TAS2R1: variants seen among roughly 807,000 people sequenced by gnomAD.
TAS2R1 encodes the protein taste receptor type 2 member 1.
For missense variants in TAS2R1, 370 were observed against 353.4 expected, an observed-to-expected ratio of 1.05 and a Z score of -0.38; for synonymous variants, 141 against 134.2, an observed-to-expected ratio of 1.05 and a Z score of -0.35.
chr5:9,713,824 C>T (rs1019405129), upstream of TAS2R1: 12 of 152,142 alleles, frequency 7.9e-5, no homozygotes, highest in Admixed American at 7.9e-4. Flanking sequence ...ATGTCTGTTT[C>T]AGCTAAAGAC....
chr5:9,821,549 C>T, the TAS2R1 span, among the ~76,000 whole-genome samples: 3 of 152,194 alleles, frequency 2.0e-5, no homozygotes, highest in Non-Finnish European at 2.9e-5. Context: ...CTAGGACCAA[C>T]TGAAATGAAG....
chr5:9,860,370 C>A, the TAS2R1 span, among the ~76,000 whole-genome samples: 2 of 152,202 alleles, frequency 1.3e-5, no homozygotes, highest in Non-Finnish European at 2.9e-5. Context: ...CTCCATTTAC[C>A]TTCCCTCATC....
chr5:9,891,089 C>A, the TAS2R1 span, among the ~76,000 whole-genome samples: 62,125 of 152,040 alleles, frequency 0.41, 15,270 homozygotes, highest in Middle Eastern at 0.52. Context: ...CATTCTCTCT[C>A]TAGTCTACCT....
At chr5:9,747,869 T>A in the TAS2R1 span, among the ~76,000 whole-genome samples, 2 of 151,172 alleles carry the variant, frequency 1.3e-5, no homozygotes, top group African/African-American at 4.9e-5. Context: ...GTAAAGAGGA[T>A]GAGGTTGAAA....
chr5:9,635,365 C>T (rs1010300854), intron 2 of TAS2R1, among the ~76,000 whole-genome samples: 41 of 151,924 alleles, frequency 2.7e-4, no homozygotes, highest in African/African-American at 8.9e-4. Context: ...TTGTTGGGGA[C>T]TTTTGCATCT....
At chr5:9,639,374 TCTC>T (rs1449947906) in intron 2 of TAS2R1, among the ~76,000 whole-genome samples, 2 of 152,210 alleles carry the variant, frequency 1.3e-5, no homozygotes, top group Non-Finnish European at 2.9e-5. Flanking sequence ...GTTAAATCCT[TCTC>T]CTGTGATCTG....
intron 1 of TAS2R1, among the ~76,000 whole-genome samples, chr5:9,672,296 C>T (rs1004812750): frequency 6.6e-6 from 1 of 152,098 alleles, no homozygotes; most frequent in African/African-American, 2.4e-5. Context: ...CAAATGGGAT[C>T]TAATTAAGAG....
the TAS2R1 span, among the ~76,000 whole-genome samples, chr5:9,742,930 CAG>C: frequency 6.6e-6 from 1 of 152,016 alleles, no homozygotes; most frequent in African/African-American, 2.4e-5. Flanking sequence ...GAGAAACAGT[CAG>C]AGAAACAGAG....
At chr5:9,695,124 C>G (rs908492667) in intron 1 of TAS2R1, among the ~76,000 whole-genome samples, 4 of 151,948 alleles carry the variant, frequency 2.6e-5, no homozygotes, top group Non-Finnish European at 4.4e-5. Flanking sequence ...TCTCACAGAG[C>G]AGATTAAAAC....
At chr5:9,814,818 C>T in the TAS2R1 span, among the ~76,000 whole-genome samples, 1 of 152,176 alleles carries the variant, frequency 6.6e-6, no homozygotes, top group Non-Finnish European at 1.5e-5. Context: ...TCTGACTTTG[C>T]TTCCACATTT....
chr5:9,742,911 C>T, the TAS2R1 span, among the ~76,000 whole-genome samples: 5 of 151,994 alleles, frequency 3.3e-5, no homozygotes, highest in Admixed American at 3.3e-4. Flanking sequence ...AAAAAAAAGA[C>T]ATCAGTCAGA....
At chr5:9,681,531 CAAAA>C (rs10681888) in intron 1 of TAS2R1, among the ~76,000 whole-genome samples, 4 of 87,894 alleles carry the variant, frequency 4.6e-5, no homozygotes, top group Admixed American at 1.6e-4. Context: ...CATGTTTCTG[CAAAA>C]AAAAAAAAAA....
chr5:9,677,711 T>A (rs896219894), intron 1 of TAS2R1, among the ~76,000 whole-genome samples: 1 of 152,178 alleles, frequency 6.6e-6, no homozygotes, highest in Non-Finnish European at 1.5e-5. Context: ...GGAACTCTCA[T>A]TGATAGCTAG....
the TAS2R1 span, among the ~76,000 whole-genome samples, chr5:9,890,146 A>AT: frequency 2.6e-4 from 40 of 152,316 alleles, no homozygotes; most frequent in South Asian, 6.8e-3. Context: ...GAAATCCCAC[A>AT]GTTTTCATGA....
chr5:9,738,223 C>T, the TAS2R1 span, among the ~76,000 whole-genome samples: 3 of 152,148 alleles, frequency 2.0e-5, no homozygotes, highest in Non-Finnish European at 4.4e-5. Context: ...GGGATGATTA[C>T]CACCCATTCT....
At chr5:9,764,256 G>T in the TAS2R1 span, among the ~76,000 whole-genome samples, 1 of 152,264 alleles carries the variant, frequency 6.6e-6, no homozygotes, top group South Asian at 2.1e-4. Context: ...TATCAATATG[G>T]CACTTACTTT....
At chr5:9,739,651 C>A in the TAS2R1 span, among the ~76,000 whole-genome samples, 1 of 152,190 alleles carries the variant, frequency 6.6e-6, no homozygotes, top group Admixed American at 6.5e-5. Flanking sequence ...GTAAGTTATT[C>A]ATGCAAACAC....
the TAS2R1 span, among the ~76,000 whole-genome samples, chr5:9,860,532 C>T: frequency 6.6e-6 from 1 of 152,216 alleles, no homozygotes; most frequent in Admixed American, 6.5e-5. Flanking sequence ...CCCTTTCAGT[C>T]AGAACCCTCT....
At chr5:9,706,314 C>T (rs867293877) in intron 1 of TAS2R1, among the ~76,000 whole-genome samples, 12 of 152,188 alleles carry the variant, frequency 7.9e-5, no homozygotes, top group African/African-American at 2.7e-4. Context: ...ACCAGGGGAA[C>T]TGGCCTGGCC....
Sources: gnomAD v4.1 joint callset for allele counts (sites outside exome capture counted in the v4.1 genomes callset) on GRCh38, gnomAD v4.1.1 for gene constraint, MANE v1.5 for transcripts, NCBI Gene and HGNC (gene_info 2026-07-23, HGNC 2026-07-21) for gene names.